Variants in CCDC91 observed in about 807,000 individuals in gnomAD.
CCDC91 encodes the protein coiled-coil domain containing 91, also known as coiled-coil domain-containing protein 91.
CCDC91 carries 48 observed loss-of-function variants against 63.2 expected under a neutral mutation model. The observed-to-expected ratio is 0.76, with a 90% confidence interval of 0.60 to 0.97. CCDC91 has a LOEUF of 0.97. CCDC91 is among the 50% of genes least tolerant of loss of function. The pLI is 0.00. For synonymous variants in CCDC91, 167 were observed against 165.8 expected (o/e 1.01, Z -0.06); for missense variants, 500 against 494.6 (o/e 1.01, Z -0.10).
At chr12:28,361,138 C>T (rs1237207985) in intron 6 of CCDC91, among the ~76,000 whole-genome samples, 1 of 150,622 alleles carries the variant, frequency 6.6e-6, no homozygotes, top group Non-Finnish European at 1.5e-5. Flanking sequence ...GTGGGTTTTT[C>T]CACTTCATTA....
chr12:28,215,243 T>G lies in CCDC91; in HGVS notation c.-15+24602T>G, dbSNP rs527508145. Among the ~76,000 whole-genome samples, 14 of 152,310 alleles carry G rather than the reference T, an allele frequency of 9.2e-5. No individual in the cohort carries two copies. In the South Asian group the frequency reaches 2.7e-3, roughly 29 times the overall value. On this transcript the variant is annotated intron_variant, in intron 1 of 12. Transcript: ENST00000536442. ...CCATCAGCTTTCCTTGTTGTCAGGC[T>G]TAACATTATTGATTCTCCTAGCTTT...
intron 12 of CCDC91, among the ~76,000 whole-genome samples, chr12:28,528,468 C>T (rs907319299): frequency 6.6e-6 from 1 of 152,206 alleles, no homozygotes; most frequent in African/African-American, 2.4e-5. Flanking sequence ...TGGGCACCCA[C>T]AGTATTTGGG....
intron 12 of CCDC91, among the ~76,000 whole-genome samples, chr12:28,501,971 T>G (rs1472027417): frequency 2.0e-5 from 3 of 152,058 alleles, no homozygotes; most frequent in Non-Finnish European, 4.4e-5. Flanking sequence ...CCATTTCTTT[T>G]AGATTTTCTA....
At chr12:28,242,763 G>A (rs1945431322) in intron 1 of CCDC91, among the ~76,000 whole-genome samples, 1 of 152,148 alleles carries the variant, frequency 6.6e-6, no homozygotes, top group Admixed American at 6.5e-5. Context: ...GTAGGGCCTG[G>A]TGGGAGGTGC....
At chr12:28,424,757 A>C (rs954632118) in intron 8 of CCDC91, among the ~76,000 whole-genome samples, 1 of 152,168 alleles carries the variant, frequency 6.6e-6, no homozygotes, top group African/African-American at 2.4e-5. Flanking sequence ...CCGAATTTTC[A>C]TGTAATCCAA....
chr12:28,420,930 TA>T (rs1947967059), intron 8 of CCDC91, among the ~76,000 whole-genome samples: 1 of 152,178 alleles, frequency 6.6e-6, no homozygotes, highest in African/African-American at 2.4e-5. Flanking sequence ...GAACTTAGTT[TA>T]TTCATGTATT....
intron 11 of CCDC91, among the ~76,000 whole-genome samples, chr12:28,463,007 A>C (rs1399734824): frequency 6.6e-6 from 1 of 152,146 alleles, no homozygotes; most frequent in Non-Finnish European, 1.5e-5. Flanking sequence ...ATGTCCGGGA[A>C]ACTGCAGTAT....
At chr12:28,483,932 G>C in intron 11 of CCDC91, 120 bp from the exon 12 acceptor site, 1 of 553,782 alleles carries the variant, frequency 1.8e-6, no homozygotes. Context: ...CCTGTGTAAA[G>C]GTACACTTTG....
At chr12:28,269,102 C>A (rs1592154870) in intron 3 of CCDC91, among the ~76,000 whole-genome samples, 1 of 152,080 alleles carries the variant, frequency 6.6e-6, no homozygotes. Flanking sequence ...GTACTGATGC[C>A]CGTAATGAAT....
At chr12:28,377,701 C>T (rs1945035748) in intron 7 of CCDC91, among the ~76,000 whole-genome samples, 1 of 151,712 alleles carries the variant, frequency 6.6e-6, no homozygotes, top group African/African-American at 2.4e-5. Flanking sequence ...ATGCATTTGG[C>T]CAAGCAGAAT....
chr12:28,216,894 T>TA (rs1392985987), intron 1 of CCDC91, among the ~76,000 whole-genome samples: 1 of 152,030 alleles, frequency 6.6e-6, no homozygotes, highest in Non-Finnish European at 1.5e-5. Flanking sequence ...GTAATGATGG[T>TA]AAAGGAACCA....
intron 8 of CCDC91, among the ~76,000 whole-genome samples, chr12:28,402,102 G>T (rs1441045839): frequency 6.6e-6 from 1 of 152,046 alleles, no homozygotes; most frequent in Non-Finnish European, 1.5e-5. Context: ...GACATTAGGG[G>T]TTGAATTTTT....
chr12:28,283,074 A>G (rs923024471), intron 3 of CCDC91, among the ~76,000 whole-genome samples: 15 of 152,014 alleles, frequency 9.9e-5, no homozygotes, highest in African/African-American at 3.4e-4. Flanking sequence ...CTATGTGTCT[A>G]CTTTTGTACC....
At chr12:28,226,084 A>T (rs1944255916) in intron 1 of CCDC91, 2 of 152,100 alleles carry the variant, frequency 1.3e-5, no homozygotes, top group Admixed American at 6.6e-5. Flanking sequence ...GATACTAGTT[A>T]TACATCTCCT....
chr12:28,333,390 A>C lies in CCDC91; in HGVS notation c.576+25641A>C, dbSNP rs1941665382. Among the ~76,000 whole-genome samples, 4 of 137,914 alleles carry C rather than the reference A, an allele frequency of 2.9e-5. No homozygotes were observed. In the South Asian group the frequency reaches 9.4e-4, roughly 32 times the overall value. The allele number at this position is 137,914 out of a possible 152,430, so 90.5% of individuals were successfully genotyped here. ...AGCCTGGGTGACAGAGCAAGACTCC[A>C]TCTCAGAAAAAAAAAAAAAAAAAAA... On this transcript the variant is annotated intron_variant, in intron 6 of 12. Coordinates refer to ENST00000536442, the MANE Select transcript of CCDC91 (RefSeq NM_018318.5).
At chr12:28,244,831 T>C (rs1390455141) in intron 1 of CCDC91, among the ~76,000 whole-genome samples, 2 of 151,326 alleles carry the variant, frequency 1.3e-5, no homozygotes, top group Admixed American at 6.6e-5. Context: ...GATTGCGCCA[T>C]TGCACTCCAG....
At chr12:28,278,477 A>G (rs1321467752) in intron 3 of CCDC91, among the ~76,000 whole-genome samples, 2 of 151,986 alleles carry the variant, frequency 1.3e-5, no homozygotes, top group Admixed American at 1.3e-4. Context: ...TCTAAAACAT[A>G]TCTCCCCTTT....
chr12:28,473,321 C>A (rs142101546), intron 11 of CCDC91, among the ~76,000 whole-genome samples: 1 of 152,166 alleles, frequency 6.6e-6, no homozygotes, highest in Non-Finnish European at 1.5e-5. Context: ...ATTAATAGAA[C>A]TGACAATGGC....
chr12:28,297,323 C>G (rs1949616062), intron 3 of CCDC91, among the ~76,000 whole-genome samples: 1 of 151,804 alleles, frequency 6.6e-6, no homozygotes, highest in South Asian at 2.1e-4. Context: ...TGTTTGGAAA[C>G]TTGGTGCTCC....
Sources: gnomAD v4.1 joint callset for allele counts (sites outside exome capture counted in the v4.1 genomes callset) on GRCh38, gnomAD v4.1.1 for gene constraint, MANE v1.5 for transcripts, NCBI Gene and HGNC (gene_info 2026-07-23, HGNC 2026-07-21) for gene names.